Variants in PCNX1 observed in about 807,000 individuals in gnomAD.
PCNX1 encodes the protein pecanex-like protein 1.
In PCNX1, 78 loss-of-function variants were observed where a neutral mutation model predicts 242.2. The observed-to-expected ratio is 0.32, with a 90% CI of 0.27 to 0.39. The LOEUF (loss-of-function observed/expected upper bound fraction) is 0.39, where lower values mean the gene tolerates loss of function less well. Ranked by LOEUF, PCNX1 falls within the 10% of genes least tolerant of loss-of-function variation. PCNX1 has a pLI of 1.00. For synonymous variants in PCNX1, 1,024 were observed against 1,032.9 expected (o/e 0.99, Z 0.17); for missense variants, 2,581 against 2,856.5 (o/e 0.90, Z 2.20).
Position 71,019,141 on chromosome 14 carries a change from C to T in PCNX1, c.3129C>T (p.Ser1043=), listed in dbSNP as rs1205771932. The T allele has an allele frequency of 6.2e-7, 1 of 1,610,394 alleles. No homozygotes were observed. Among genetic ancestry groups the T allele is most frequent in the African/African-American group, 1.3e-5 (1 of 74,698 alleles). ...TCCAGTTCTGCCTCGTCATAGCCAG[C>T]TGTCAATACTCACTGCTTAAGGTAC... The part of the protein sequence containing the change: ...WVFQFCLVIA[S]CQYSLLKSVQ... Residue 1043 remains serine (S), a synonymous_variant, in exon 12 of 36, where the codon AGC becomes AGT. Coordinates refer to ENST00000304743, the MANE Select transcript of PCNX1 (RefSeq NM_014982.3).
Position 70,947,105 on chromosome 14 carries a change from A to C in PCNX1, c.344A>C (p.Lys115Thr). 1 of 1,611,452 alleles carries C rather than the reference A, an allele frequency of 6.2e-7. No homozygotes were observed. Among genetic ancestry groups the C allele is most frequent in the Non-Finnish European group, 8.5e-7 (1 of 1,178,544 alleles). ...AEQGNCSTRR[K>T]DSNGPSDPGG... is the part of the protein sequence containing the mutation. The stretch of plus-strand genomic sequence containing the variant: ...CAAGGCAACTGTTCAACCAGGAGAA[A>C]AGACAGCAATGGACCGAGGTAAGGA... Residue 115 changes from lysine to threonine, a missense_variant, in exon 2 of 36, where the codon AAA becomes ACA. Coordinates refer to ENST00000304743, the MANE Select transcript of PCNX1 (RefSeq NM_014982.3).
chr14:71,082,623 A>G (rs1443337860), intron 28 of PCNX1, among the ~76,000 whole-genome samples: 1 of 151,392 alleles, frequency 6.6e-6, no homozygotes, highest in Non-Finnish European at 1.5e-5. Context: ...GTCTTTTTTG[A>G]TCTTTGTTGG....
chr14:70,973,058 C>T (rs2140063503), intron 5 of PCNX1, among the ~76,000 whole-genome samples: 1 of 152,114 alleles, frequency 6.6e-6, no homozygotes, highest in South Asian at 2.1e-4. Flanking sequence ...TCAATACCAG[C>T]CTGGGCAACA....
rs1292831780 is a variant in PCNX1, at chr14:71,113,230, A to ATGAT, written c.*3296_*3299dup. 36 of 152,334 alleles carry ATGAT rather than the reference A, an allele frequency of 2.4e-4. No homozygotes were observed. The highest frequency in any genetic ancestry group is 7.5e-4 in the African/African-American group (31 of 41,572). The allele number at this position is 152,334 out of a possible 1,614,324, so 9.4% of individuals were successfully genotyped here. On this transcript the variant is annotated 3_prime_UTR_variant, in exon 36 of 36. Transcript: ENST00000304743. ...CCTTCTTTGACTTTGTTACTGGAGGATGATAATCTATTTCTATTAGATTCG... is the reference window on the plus strand; with the variant it reads ...CCTTCTTTGACTTTGTTACTGGAGGATGATTGATAATCTATTTCTATTAGATTCG...
At chr14:71,052,324 C>T (rs189664560) in intron 24 of PCNX1, among the ~76,000 whole-genome samples, 1 of 152,042 alleles carries the variant, frequency 6.6e-6, no homozygotes, top group African/African-American at 2.4e-5. Context: ...AGTGATCCTC[C>T]TGCCTCAGCC....
At chr14:71,098,509 CGTGTGTGTGTGTGTGTGTGT>C (rs3221474) in intron 30 of PCNX1, among the ~76,000 whole-genome samples, 52 of 128,608 alleles carry the variant, frequency 4.0e-4, no homozygotes, top group Admixed American at 1.9e-3. Flanking sequence ...TAGATGTATT[CGTGTGTGTGTGTGTGTGTGT>C]GTGTGTGTGT....
intron 33 of PCNX1, 79 bp downstream of exon 33, chr14:71,105,519 T>C (rs1478377652): frequency 2.8e-6 from 3 of 1,071,324 alleles, no homozygotes; most frequent in Non-Finnish European, 4.1e-6. Context: ...ATAAAGAGGA[T>C]TACATGTGGT....
At chr14:70,976,512 A>C (rs1341338580) in intron 5 of PCNX1, among the ~76,000 whole-genome samples, 1 of 151,762 alleles carries the variant, frequency 6.6e-6, no homozygotes, top group Non-Finnish European at 1.5e-5. Context: ...AGCTGGGACT[A>C]CAGGCGCTCG....
chr14:71,015,572 G>A (rs1018392465), intron 11 of PCNX1, among the ~76,000 whole-genome samples: 8 of 152,126 alleles, frequency 5.3e-5, no homozygotes, highest in Non-Finnish European at 8.8e-5. Flanking sequence ...GAGGCAGGAG[G>A]ATCACTTGAG....
rs190543527 is a variant in PCNX1 at position 71,033,164 on chromosome 14, A to T, written c.3559-265A>T. On this transcript the variant is annotated intron_variant, in intron 16 of 35. Coordinates refer to ENST00000304743, the MANE Select transcript of PCNX1 (RefSeq NM_014982.3). ...TAGCCTCATGCATCAAAAGCAAATT[A>T]TTCCTCATGTATGAGTAGAGCTTTA... 2.7e-3 allele frequency among the ~76,000 whole-genome samples: 415 copies of T among 152,388 alleles called. 5 individuals are homozygous for T. Among genetic ancestry groups the T allele is most frequent in the Non-Finnish European group, 2.0e-3 (137 of 68,040 alleles).
intron 2 of PCNX1, among the ~76,000 whole-genome samples, chr14:70,961,389 A>C (rs2058207604): frequency 6.6e-6 from 1 of 152,218 alleles, no homozygotes; most frequent in Non-Finnish European, 1.5e-5. Context: ...GATCTTTGAC[A>C]AACCTGAGAA....
At position 71,026,782 on chromosome 14, in the gene PCNX1, C is replaced by G; in HGVS notation, c.3366C>G (p.Leu1122=). 1 of 1,455,530 alleles carries G rather than the reference C, an allele frequency of 6.9e-7. No individual in the cohort carries two copies. Among genetic ancestry groups the G allele is most frequent in the Non-Finnish European group, 9.6e-7 (1 of 1,038,554 alleles). The allele number at this position is 1,455,530 out of a possible 1,614,324, so 90.2% of individuals were successfully genotyped here. ...SARDLVIVFT[L]CFPIVFFIGL... ...TCTTTCTTTTTATAGTGTTTACACT[C>G]TGTTTCCCAATAGTGTTTTTCATTG... is the stretch of plus-strand genomic sequence containing the variant. Residue 1122 remains leucine, a synonymous_variant, in exon 15 of 36, where the codon CTC becomes CTG. Transcript: ENST00000304743.
At position 70,989,534 on chromosome 14, in the gene PCNX1, ATTTTTTTTTTT is replaced by A. The variant is rs34767376; in HGVS notation, c.2444+846_2444+856del. 4.2e-3 allele frequency among the ~76,000 whole-genome samples: 533 copies of A among 126,350 alleles called. 2 individuals carry two copies. Among genetic ancestry groups the A allele is most frequent in the African/African-American group, 0.015 (515 of 33,254 alleles). 82.9% of individuals were successfully genotyped at this position (126,350 alleles called of 152,430 possible). A position where few individuals can be genotyped will look rare whatever the true frequency, so the allele number is the denominator to read the frequency against. The stretch of plus-strand genomic sequence containing the variant: ...TTTAAGAATACAAAAACAGATATAA[ATTTTTTTTTTT>A]TTTTTTTTTTGAGACACTCTGTTGC... On this transcript the variant is annotated intron_variant, in intron 7 of 35. Coordinates refer to ENST00000304743, the MANE Select transcript of PCNX1 (RefSeq NM_014982.3).
chr14:71,066,235 C>G (rs1456299775), intron 26 of PCNX1, among the ~76,000 whole-genome samples: 8 of 152,160 alleles, frequency 5.3e-5, no homozygotes. Flanking sequence ...TTGATTCTTC[C>G]TATCCATGAG....
chr14:70,907,908 G>C lies in PCNX1; in HGVS notation c.58G>C (p.Gly20Arg). 1 of 1,584,030 alleles carries C rather than the reference G, an allele frequency of 6.3e-7. No individual in the cohort carries two copies. The highest frequency in any genetic ancestry group is 8.6e-7 in the Non-Finnish European group (1 of 1,168,068). ...RQGVWAALSGGWYYDPHQATF... is the reference protein window; with the variant it reads ...RQGVWAALSGRWYYDPHQATF... ...GGGGGTGTGGGCCGCGCTCAGCGGG[G>C]GCTGGTACTACGACCCGCACCAGGC... is the stretch of plus-strand genomic sequence containing the variant. Residue 20 changes from glycine (G) to arginine (R), a missense_variant, in exon 1 of 36, where the codon GGC (glycine) becomes CGC (arginine). Gly to Arg is a moderately radical substitution (Grantham distance 125). Around this residue, in one of 9 missense-constraint regions of PCNX1, gnomAD observed 1,204 missense variants for 1,216.7 expected, o/e 0.99. Transcript: ENST00000304743.
At chr14:71,040,647 G>T (rs965875676) in intron 19 of PCNX1, among the ~76,000 whole-genome samples, 1 of 151,532 alleles carries the variant, frequency 6.6e-6, no homozygotes, top group Non-Finnish European at 1.5e-5. Flanking sequence ...TGGTAAATGG[G>T]GTATTCATCC....
At chr14:70,975,590 A>G (rs570522854) in intron 5 of PCNX1, among the ~76,000 whole-genome samples, 56 of 152,282 alleles carry the variant, frequency 3.7e-4, no homozygotes, top group Admixed American at 9.2e-4. Flanking sequence ...CAGATTTACT[A>G]TAGAATCTGT....
At chr14:71,064,541 T>C (rs1420600623) in intron 26 of PCNX1, among the ~76,000 whole-genome samples, 1 of 152,170 alleles carries the variant, frequency 6.6e-6, no homozygotes, top group Non-Finnish European at 1.5e-5. Context: ...CATTTAAAAA[T>C]CTTTGATAAA....
intron 30 of PCNX1, among the ~76,000 whole-genome samples, chr14:71,094,585 C>T (rs908723096): frequency 3.9e-5 from 6 of 152,022 alleles, no homozygotes; most frequent in Non-Finnish European, 8.8e-5. Context: ...ATAGTTCTTT[C>T]CCCACCCCCT....
Sources: gnomAD v4.1 joint callset for allele counts (sites outside exome capture counted in the v4.1 genomes callset) on GRCh38, gnomAD v4.1.1 for gene constraint, gnomAD v4.1.1 regional missense constraint, MANE v1.5 for transcripts, NCBI Gene and HGNC (gene_info 2026-07-23, HGNC 2026-07-21) for gene names.